The following CCNY variants were observed in gnomAD, a reference collection of about 807,000 sequenced individuals.
CCNY encodes cyclin-Y.
Under a neutral mutation model 42.8 loss-of-function variants are expected in CCNY, and 19 were observed. The ratio of observed to expected loss-of-function variants is 0.44; its 90% CI spans 0.31 to 0.65. The LOEUF (loss-of-function observed/expected upper bound fraction) is 0.65. CCNY is among the 30% of genes least tolerant of loss of function. The pLI is 0.07. For missense variants in CCNY, 370 were observed against 437.3 expected (o/e 0.85, Z 1.37); for synonymous variants, 165 against 162.7 (o/e 1.01, Z -0.11).
intron 7 of CCNY, among the ~76,000 whole-genome samples, chr10:35,542,068 A>G (rs1194173529): frequency 1.4e-5 from 2 of 145,586 alleles, no homozygotes; most frequent in Non-Finnish European, 3.0e-5. Flanking sequence ...TCTAGTTGTT[A>G]TTACCCAGCA....
chr10:35,252,576 AAAAAAAAAAAAAAAAAT>A (rs1228205545), intron 3 of CCNY, among the ~76,000 whole-genome samples: 1 of 147,728 alleles, frequency 6.8e-6, no homozygotes, highest in Admixed American at 6.7e-5. Context: ...AAAAAAAAAA[AAAAAAAAAAAAAAAAAT>A]GAGAATATCC....
chr10:35,305,948 G>A (rs1835601325), intron 3 of CCNY, among the ~76,000 whole-genome samples: 2 of 152,176 alleles, frequency 1.3e-5, no homozygotes, highest in Non-Finnish European at 2.9e-5. Flanking sequence ...TAAGGTGCAG[G>A]AAATCTACTC....
chr10:35,329,028 T>G (rs1357600637), intron 3 of CCNY, among the ~76,000 whole-genome samples: 1 of 152,228 alleles, frequency 6.6e-6, no homozygotes, highest in Non-Finnish European at 1.5e-5. Flanking sequence ...GCTAGAGCAA[T>G]GGAAATTTCT....
intron 3 of CCNY, among the ~76,000 whole-genome samples, chr10:35,296,614 C>A (rs1221668324): frequency 6.6e-6 from 1 of 151,838 alleles, no homozygotes; most frequent in Non-Finnish European, 1.5e-5. Context: ...AGAGAAGAAC[C>A]AAATATACAC....
intron 7 of CCNY, among the ~76,000 whole-genome samples, chr10:35,534,954 TACAC>T (rs58564724): frequency 0.014 from 1,893 of 139,516 alleles, 52 homozygotes; most frequent in African/African-American, 0.048. Flanking sequence ...TGGGGATACA[TACAC>T]ACACACACAC....
intron 3 of CCNY, among the ~76,000 whole-genome samples, chr10:35,304,311 ATT>A (rs1233409039): frequency 8.4e-5 from 4 of 47,564 alleles, no homozygotes; most frequent in Non-Finnish European, 3.6e-5. Context: ...TTTTTTTTTT[ATT>A]TTTTATTTTT....
chr10:35,454,675 G>T (rs949227471), intron 1 of CCNY, among the ~76,000 whole-genome samples: 1 of 152,236 alleles, frequency 6.6e-6, no homozygotes, highest in Non-Finnish European at 1.5e-5. Context: ...TGCATGAGGT[G>T]CCCGGGGAGG....
chr10:35,428,144 G>T (rs1838309545), intron 1 of CCNY, among the ~76,000 whole-genome samples: 2 of 152,194 alleles, frequency 1.3e-5, no homozygotes, highest in African/African-American at 4.8e-5. Context: ...TTAAAATGTG[G>T]AACAAAGCAG....
At chr10:35,268,869 C>T (rs895766647) in intron 3 of CCNY, among the ~76,000 whole-genome samples, 7 of 152,344 alleles carry the variant, frequency 4.6e-5, no homozygotes, top group Middle Eastern at 3.4e-3. Context: ...GCAAGCCCAG[C>T]GGTCTCAAGG....
Position 35,416,021 on chromosome 10 carries a change from C to G in CCNY, c.155-67383C>G, listed in dbSNP as rs116566643. 7.0e-3 allele frequency among the ~76,000 whole-genome samples: 1,071 copies of G among 152,234 alleles called. 11 individuals carry two copies. The highest frequency in any genetic ancestry group is 0.025 in the African/African-American group (1,022 of 41,524). ...TTTTTCCCTATCCTTCCTGAAAGAG[C>G]AGCTTTATACAATGTTTTTGGCAGC... On this transcript the variant is annotated intron_variant, in intron 1 of 9. Transcript: ENST00000374704.
At chr10:35,449,209 G>A (rs1254075553) in intron 1 of CCNY, among the ~76,000 whole-genome samples, 1 of 150,246 alleles carries the variant, frequency 6.7e-6, no homozygotes, top group Non-Finnish European at 1.5e-5. Context: ...AGGTCACCAC[G>A]CAGCGAGGAG....
rs575775507 is a variant in CCNY at position 35,327,232 on chromosome 10, T to G, written c.-9+76606T>G. Among the ~76,000 whole-genome samples the G allele has an allele frequency of 2.0e-5, 3 of 152,310 alleles. No homozygotes were observed. In the South Asian group the frequency reaches 6.2e-4, roughly 32 times the overall value. ...GTTAATCACTGTTTAACAGTGAATA[T>G]CCCTAAAAACATCTCTTTGCATATA... On this transcript the variant is annotated intron_variant, in intron 3 of 11. Transcript: ENST00000374706.
chr10:35,284,920 T>G (rs1242797129), intron 3 of CCNY, among the ~76,000 whole-genome samples: 1 of 152,142 alleles, frequency 6.6e-6, no homozygotes, highest in East Asian at 1.9e-4. Context: ...ATTTGGGGGA[T>G]TTTTCTTTCT....
intron 1 of CCNY, among the ~76,000 whole-genome samples, chr10:35,473,232 C>A (rs986150943): frequency 6.6e-6 from 1 of 152,208 alleles, no homozygotes; most frequent in Non-Finnish European, 1.5e-5. Context: ...TCTGTCCCTC[C>A]CGGAGGCCGG....
intron 1 of CCNY, among the ~76,000 whole-genome samples, chr10:35,346,876 C>T (rs1032918298): frequency 6.6e-6 from 1 of 152,256 alleles, no homozygotes; most frequent in Non-Finnish European, 1.5e-5. Flanking sequence ...ATCTGCCCGC[C>T]TCGGCCTTCC....
chr10:35,463,407 A>C (rs1839195859), intron 1 of CCNY, among the ~76,000 whole-genome samples: 1 of 152,254 alleles, frequency 6.6e-6, no homozygotes, highest in African/African-American at 2.4e-5. Context: ...ATGCTAACTC[A>C]GGTGATCCAG....
intron 1 of CCNY, among the ~76,000 whole-genome samples, chr10:35,350,883 G>A (rs76294140): frequency 0.016 from 2,461 of 152,244 alleles, 54 homozygotes; most frequent in East Asian, 0.055. Flanking sequence ...AAAGAATGTC[G>A]TGACACAGTA....
chr10:35,262,423 A>G (rs902366317), intron 3 of CCNY, among the ~76,000 whole-genome samples: 2 of 150,786 alleles, frequency 1.3e-5, no homozygotes, highest in Non-Finnish European at 2.9e-5. Flanking sequence ...CAGTGGTACA[A>G]TCTCAGCTCA....
chr10:35,461,283 G>C (rs892809038), intron 1 of CCNY, among the ~76,000 whole-genome samples: 1 of 152,178 alleles, frequency 6.6e-6, no homozygotes, highest in Non-Finnish European at 1.5e-5. Context: ...TGTGATGGGG[G>C]AAAGAGATTA....
Sources: gnomAD v4.1 joint callset for allele counts (sites outside exome capture counted in the v4.1 genomes callset) on GRCh38, gnomAD v4.1.1 for gene constraint, MANE v1.5 for transcripts, NCBI Gene and HGNC (gene_info 2026-07-23, HGNC 2026-07-21) for gene names.